SNAP25: variants seen among roughly 807,000 people sequenced by gnomAD.
The protein encoded by SNAP25 is synaptosomal-associated protein 25.
A neutral mutation model predicts 28.7 loss-of-function variants in SNAP25; 3 were observed. The observed-to-expected ratio is 0.10, with a 90% CI of 0.05 to 0.27. SNAP25 has a LOEUF of 0.27. SNAP25 is among the 10% of genes least tolerant of loss of function. SNAP25 has a pLI of 1.00. For synonymous variants in SNAP25, 61 were observed against 88.1 expected (o/e 0.69, Z 1.72); for missense variants, 117 against 278.7 (o/e 0.42, Z 4.13).
chr20:10,299,889 GTTAGTA>G (rs1165402701), intron 7 of SNAP25, among the ~76,000 whole-genome samples: 3 of 152,246 alleles, frequency 2.0e-5, no homozygotes, highest in Non-Finnish European at 4.4e-5. Context: ...TTGAAGGATG[GTTAGTA>G]TTAATAGTTT....
intron 7 of SNAP25, among the ~76,000 whole-genome samples, chr20:10,302,238 G>A (rs1457060957): frequency 1.3e-5 from 2 of 152,036 alleles, no homozygotes; most frequent in East Asian, 3.9e-4. Flanking sequence ...TCTCTAATAA[G>A]TAAATATATA....
intron 1 of SNAP25, among the ~76,000 whole-genome samples, chr20:10,256,255 C>T (rs931478593): frequency 1.3e-5 from 2 of 152,030 alleles, no homozygotes; most frequent in East Asian, 1.9e-4. Flanking sequence ...CAAGTCTATC[C>T]GCTATTACGA....
intron 1 of SNAP25, among the ~76,000 whole-genome samples, chr20:10,253,381 C>T (rs1568590923): frequency 1.3e-5 from 2 of 152,154 alleles, no homozygotes; most frequent in Non-Finnish European, 2.9e-5. Flanking sequence ...ACTCTGGATT[C>T]GAATCCTGAT....
rs2064381890 is a variant in SNAP25, at chr20:10,307,185, T to TTATCAG, written c.*991_*996dup. The TTATCAG allele has an allele frequency of 6.6e-6, 1 of 152,598 alleles. No individual in the cohort carries two copies. Among genetic ancestry groups the TTATCAG allele is most frequent in the Non-Finnish European group, 1.5e-5 (1 of 68,028 alleles). The allele number at this position is 152,598 out of a possible 1,614,324, so 9.5% of individuals were successfully genotyped here. ...TAACCACCATTTCCCCTGTGGTTTG[T>TTATCAG]TATCAGTACAATTCTTTGTTGCTTA... On this transcript the variant is annotated 3_prime_UTR_variant, in exon 8 of 8. Coordinates refer to ENST00000254976, the MANE Select transcript of SNAP25 (RefSeq NM_130811.4).
chr20:10,237,194 G>T (rs1165672549), intron 1 of SNAP25, among the ~76,000 whole-genome samples: 6 of 151,990 alleles, frequency 3.9e-5, no homozygotes, highest in African/African-American at 1.4e-4. Context: ...CAGCTGCTGG[G>T]GCTCAGCCCA....
chr20:10,227,290 T>G (rs2062749693), intron 1 of SNAP25, among the ~76,000 whole-genome samples: 1 of 152,138 alleles, frequency 6.6e-6, no homozygotes, highest in African/African-American at 2.4e-5. Context: ...TTAATAGACT[T>G]TGGAAGTCTT....
chr20:10,272,712 G>A (rs529839268), intron 1 of SNAP25, among the ~76,000 whole-genome samples: 11 of 152,142 alleles, frequency 7.2e-5, no homozygotes, highest in Non-Finnish European at 1.3e-4. Flanking sequence ...CAGGCTCATC[G>A]TAAGATGCTC....
intron 1 of SNAP25, among the ~76,000 whole-genome samples, chr20:10,269,068 G>C (rs1007748745): frequency 6.6e-6 from 1 of 152,160 alleles, no homozygotes; most frequent in Non-Finnish European, 1.5e-5. Context: ...GTCAATCAAA[G>C]GCAAATTTGT....
chr20:10,288,894 GC>G (rs1324317423), intron 4 of SNAP25, among the ~76,000 whole-genome samples: 86 of 151,836 alleles, frequency 5.7e-4, no homozygotes, highest in African/African-American at 2.1e-3. Flanking sequence ...CATGTCAACA[GC>G]TATCTTAACT....
chr20:10,277,776 T>C (rs771212451), intron 3 of SNAP25, 50 bp downstream of exon 3: 3 of 1,512,652 alleles, frequency 2.0e-6, no homozygotes, highest in Non-Finnish European at 1.8e-6. Flanking sequence ...CTTATGCTGA[T>C]ACATCCTTTC....
chr20:10,221,433 C>T (rs914573157), intron 1 of SNAP25, among the ~76,000 whole-genome samples: 2 of 152,070 alleles, frequency 1.3e-5, no homozygotes, highest in Non-Finnish European at 2.9e-5. Flanking sequence ...GAAAAAAAAT[C>T]GAGAAATTTC....
chr20:10,261,451 G>A (rs1056234292), intron 1 of SNAP25, among the ~76,000 whole-genome samples: 2 of 152,112 alleles, frequency 1.3e-5, no homozygotes, highest in East Asian at 3.8e-4. Context: ...CAGACATATG[G>A]AAACATAGGC....
intron 7 of SNAP25, among the ~76,000 whole-genome samples, chr20:10,299,692 A>G (rs150217093): frequency 6.6e-6 from 1 of 152,194 alleles, no homozygotes; most frequent in Non-Finnish European, 1.5e-5. Context: ...TGAGAAAGAC[A>G]CCACCCCTAC....
intron 1 of SNAP25, among the ~76,000 whole-genome samples, chr20:10,273,046 C>A (rs1039436330): frequency 6.6e-6 from 1 of 152,100 alleles, no homozygotes; most frequent in African/African-American, 2.4e-5. Flanking sequence ...GAATCGTGGA[C>A]CTGGAGGGTG....
At chr20:10,230,363 G>A (rs890573591) in intron 1 of SNAP25, among the ~76,000 whole-genome samples, 2 of 152,084 alleles carry the variant, frequency 1.3e-5, no homozygotes, top group Non-Finnish European at 1.5e-5. Context: ...TCTTTGAGAG[G>A]GGGAAAATGG....
At chr20:10,277,420 C>G (rs1282719552) in intron 2 of SNAP25, among the ~76,000 whole-genome samples, 1 of 152,190 alleles carries the variant, frequency 6.6e-6, no homozygotes, top group Non-Finnish European at 1.5e-5. Context: ...ATTACTTTGT[C>G]TTTGATATCA....
chr20:10,242,495 G>A (rs534464205), intron 1 of SNAP25, among the ~76,000 whole-genome samples: 1 of 152,280 alleles, frequency 6.6e-6, no homozygotes, highest in South Asian at 2.1e-4. Flanking sequence ...GGCATCTGGG[G>A]AACAGGTGCA....
intron 1 of SNAP25, among the ~76,000 whole-genome samples, chr20:10,250,717 A>AC (rs1389723679): frequency 6.6e-6 from 1 of 152,228 alleles, no homozygotes; most frequent in South Asian, 2.1e-4. Context: ...ACAATTAAAA[A>AC]ACACACACAG....
intron 1 of SNAP25, among the ~76,000 whole-genome samples, chr20:10,246,270 C>T (rs988585446): frequency 5.3e-5 from 8 of 152,216 alleles, no homozygotes; most frequent in Middle Eastern, 3.4e-3. Flanking sequence ...TGTGCACGTG[C>T]GTGCATTCGT....
Sources: allele counts gnomAD v4.1 joint callset (sites outside exome capture counted in the v4.1 genomes callset), GRCh38; gene constraint gnomAD v4.1.1; transcripts MANE v1.5; gene names NCBI Gene and HGNC (gene_info 2026-07-23, HGNC 2026-07-21).